XKR4: variants seen among roughly 807,000 people sequenced by gnomAD.
XKR4 encodes the protein XK related 4.
Under a neutral mutation model 53.9 loss-of-function variants are expected in XKR4, and 12 were observed. The ratio of observed to expected loss-of-function variants is 0.22; its 90% CI spans 0.14 to 0.36. The LOEUF is 0.36. XKR4 is among the 10% of genes least tolerant of loss of function. The pLI, the probability that XKR4 is intolerant of heterozygous loss-of-function variation, is 1.00. For synonymous variants in XKR4, 354 were observed against 362.4 expected (o/e 0.98, Z 0.26); for missense variants, 799 against 859.5 (o/e 0.93, Z 0.88).
chr8:55,200,293 C>T (rs577691187), intron 1 of XKR4, among the ~76,000 whole-genome samples: 1 of 152,304 alleles, frequency 6.6e-6, no homozygotes, highest in Non-Finnish European at 1.5e-5. Context: ...TCCTTGAACT[C>T]CTGACTTCAC....
intron 1 of XKR4, among the ~76,000 whole-genome samples, chr8:55,130,446 G>A (rs2129352976): frequency 6.6e-6 from 1 of 152,336 alleles, no homozygotes; most frequent in South Asian, 2.1e-4. Context: ...TGGAGCACAG[G>A]GAGCAAGTGG....
chr8:55,502,410 C>T (rs772762681), intron 2 of XKR4, among the ~76,000 whole-genome samples: 1 of 151,918 alleles, frequency 6.6e-6, no homozygotes, highest in Non-Finnish European at 1.5e-5. Context: ...TAAGTAATAG[C>T]CATACTAATA....
intron 2 of XKR4, among the ~76,000 whole-genome samples, chr8:55,400,418 GT>G (rs1369586763): frequency 6.6e-6 from 1 of 152,188 alleles, no homozygotes; most frequent in African/African-American, 2.4e-5. Flanking sequence ...CGTGTCTGAG[GT>G]GGATCCTCCG....
At chr8:55,278,151 G>A (rs1407043462) in intron 1 of XKR4, among the ~76,000 whole-genome samples, 7 of 151,862 alleles carry the variant, frequency 4.6e-5, no homozygotes, top group African/African-American at 1.2e-4. Flanking sequence ...CCTGGCCAAC[G>A]TGGCAAAACC....
intron 2 of XKR4, among the ~76,000 whole-genome samples, chr8:55,457,225 T>C (rs771456793): frequency 5.3e-5 from 8 of 150,794 alleles, no homozygotes; most frequent in Non-Finnish European, 8.8e-5. Flanking sequence ...TCATTGCAAG[T>C]TCTGCCTCGC....
chr8:55,417,110 A>C (rs1804863032), intron 2 of XKR4, among the ~76,000 whole-genome samples: 1 of 152,198 alleles, frequency 6.6e-6, no homozygotes, highest in African/African-American at 2.4e-5. Flanking sequence ...TTTAATGAGC[A>C]GCGAAGGCTG....
chr8:55,319,085 T>C (rs1186024968), intron 1 of XKR4, among the ~76,000 whole-genome samples: 1 of 152,178 alleles, frequency 6.6e-6, no homozygotes, highest in Admixed American at 6.5e-5. Context: ...ACTAATTTTT[T>C]CCATGGAAAA....
At chr8:55,293,301 C>G (rs899609938) in intron 1 of XKR4, among the ~76,000 whole-genome samples, 2 of 152,062 alleles carry the variant, frequency 1.3e-5, no homozygotes, top group East Asian at 3.9e-4. Context: ...CAGCTCCAGC[C>G]TGGGTGACAA....
intron 1 of XKR4, among the ~76,000 whole-genome samples, chr8:55,253,026 G>C (rs1196154920): frequency 1.3e-5 from 2 of 152,192 alleles, no homozygotes; most frequent in Non-Finnish European, 2.9e-5. Flanking sequence ...AAACCAGGGA[G>C]AGTAGGATAT....
chr8:55,423,727 C>T (rs551069327), intron 2 of XKR4, among the ~76,000 whole-genome samples: 29 of 152,320 alleles, frequency 1.9e-4, no homozygotes, highest in African/African-American at 6.0e-4. Flanking sequence ...TTCTCAAACC[C>T]GGCACCAGTC....
chr8:55,463,608 C>T (rs1425488291), intron 2 of XKR4, among the ~76,000 whole-genome samples: 1 of 151,714 alleles, frequency 6.6e-6, no homozygotes, highest in Non-Finnish European at 1.5e-5. Flanking sequence ...TAGCAGAAGG[C>T]AAGAAATAAC....
chr8:55,515,534 G>T lies in XKR4; in HGVS notation c.1007-7747G>T, dbSNP rs993104971. ...ACTGCAGAAATGGGAAACCATTCTG[G>T]CTCTGGATATTCATTTTGTGACCTG... On this transcript the variant is annotated intron_variant, in intron 2 of 2. Coordinates refer to ENST00000327381, the MANE Select transcript of XKR4 (RefSeq NM_052898.2). Among the ~76,000 whole-genome samples the T allele has an allele frequency of 2.6e-5, 4 of 152,088 alleles. No individual in the cohort carries two copies. In the East Asian group the frequency reaches 7.7e-4, roughly 29 times the overall value.
intron 1 of XKR4, among the ~76,000 whole-genome samples, chr8:55,190,674 A>C (rs1201743333): frequency 6.6e-6 from 1 of 152,154 alleles, no homozygotes; most frequent in Non-Finnish European, 1.5e-5. Flanking sequence ...AAGGCATAAT[A>C]ATTTTAGAAA....
At chr8:55,379,436 A>G (rs1585547212) in intron 2 of XKR4, among the ~76,000 whole-genome samples, 1 of 152,254 alleles carries the variant, frequency 6.6e-6, no homozygotes, top group South Asian at 2.1e-4. Context: ...TTAGTTTGCA[A>G]CATCAGGAAG....
At chr8:55,491,987 C>T (rs541277107) in intron 2 of XKR4, among the ~76,000 whole-genome samples, 30 of 152,170 alleles carry the variant, frequency 2.0e-4, no homozygotes, top group Admixed American at 1.2e-3. Flanking sequence ...CCCTGCTCTC[C>T]GGTATTCTTC....
intron 1 of XKR4, among the ~76,000 whole-genome samples, chr8:55,249,778 G>T (rs1818339923): frequency 6.6e-6 from 1 of 152,142 alleles, no homozygotes; most frequent in Admixed American, 6.6e-5. Context: ...GGATTGTCTA[G>T]TATTCTGTGG....
intron 2 of XKR4, chr8:55,451,949 C>G: frequency 1.3e-6 from 1 of 774,506 alleles, no homozygotes; most frequent in Admixed American, 1.8e-5. Flanking sequence ...CTCCAGTGCT[C>G]CTAGCTGAGT....
At chr8:55,259,695 A>G (rs1818491442) in intron 1 of XKR4, among the ~76,000 whole-genome samples, 1 of 152,166 alleles carries the variant, frequency 6.6e-6, no homozygotes, top group South Asian at 2.1e-4. Context: ...TATTAGCCCT[A>G]TTGATCTACC....
chr8:55,425,447 C>G (rs144894444), intron 2 of XKR4, among the ~76,000 whole-genome samples: 1 of 152,308 alleles, frequency 6.6e-6, no homozygotes, highest in Non-Finnish European at 1.5e-5. Context: ...AACTACTACC[C>G]TCAGGCTGAT....
Sources: gnomAD v4.1 joint callset for allele counts (sites outside exome capture counted in the v4.1 genomes callset) on GRCh38, gnomAD v4.1.1 for gene constraint, MANE v1.5 for transcripts, NCBI Gene and HGNC (gene_info 2026-07-23, HGNC 2026-07-21) for gene names.